P4HA3: variants seen among roughly 807,000 people sequenced by gnomAD.
P4HA3 encodes the protein prolyl 4-hydroxylase subunit alpha-3.
In P4HA3, 60 loss-of-function variants were observed where a neutral mutation model predicts 66.7. That is an observed-to-expected ratio of 0.90 (90% CI 0.73 to 1.12). P4HA3 has a LOEUF of 1.12. P4HA3 is among the 50% of genes most tolerant of loss of function. The probability of loss-of-function intolerance (pLI) is 0.00; values close to 1 mark genes in which losing one functional copy is unlikely to be tolerated. For synonymous variants in P4HA3, 263 were observed against 274.6 expected, an observed-to-expected ratio of 0.96 and a Z score of 0.42; for missense variants, 683 against 685.8, an observed-to-expected ratio of 1.00 and a Z score of 0.05.
rs80270004 is a variant in P4HA3, at chr11:74,255,139, C to T, written c.*1318+4784G>A. Among the ~76,000 whole-genome samples, 758 of 152,310 alleles carry T rather than the reference C, an allele frequency of 5.0e-3. 1 individual carries two copies. The highest frequency in any genetic ancestry group is 8.0e-3 in the Non-Finnish European group (546 of 68,022). ...TTCTAAAGCTGAATCCACCTTCCCC[C>T]GGAAACTTGCTCCCCATGAAACTTG... On this transcript the variant is annotated intron_variant and NMD_transcript_variant, in intron 15 of 15. Coordinates refer to the P4HA3 transcript ENST00000524388.
chr11:74,289,653 T>A (rs1211089204), intron 4 of P4HA3, among the ~76,000 whole-genome samples: 4 of 143,422 alleles, frequency 2.8e-5, no homozygotes, highest in African/African-American at 7.8e-5. Flanking sequence ...TGTCCATGTG[T>A]TCTCATTGTT....
chr11:74,311,506 TG>T lies in P4HA3; in HGVS notation c.105del (p.Ser36AlafsTer16). ...AARGDTFSAL[T>X]SVARALAPER... is the part of the protein sequence containing the mutation. ...TCGGGCGCCAGGGCGCGCGCCACGC[TG>T]GTCAGCGCCGAGAACGTGTCGCCCC... is the stretch of plus-strand genomic sequence containing the variant. On this transcript the variant is annotated frameshift_variant, in exon 1 of 13. Transcript: ENST00000331597. LOFTEE classifies it high-confidence loss of function. 1 of 1,537,258 alleles carries T rather than the reference TG, an allele frequency of 6.5e-7. No homozygotes were observed. The highest frequency in any genetic ancestry group is 8.7e-7 in the Non-Finnish European group (1 of 1,149,944).
At chr11:74,269,149 T>C (rs779676843) in intron 11 of P4HA3, among the ~76,000 whole-genome samples, 12 of 151,920 alleles carry the variant, frequency 7.9e-5, no homozygotes, top group Non-Finnish European at 1.8e-4. Context: ...TTGGAGGAAA[T>C]ACTCATTCAT....
At chr11:74,253,484 T>C in intron 15 of P4HA3, 3 of 1,606,040 alleles carry the variant, frequency 1.9e-6, no homozygotes, top group Middle Eastern at 1.7e-4. Flanking sequence ...CTTTCTGTTC[T>C]TCCACAGTGT....
At chr11:74,297,513 C>T (rs1354084613) in intron 4 of P4HA3, among the ~76,000 whole-genome samples, 1 of 152,132 alleles carries the variant, frequency 6.6e-6, no homozygotes, top group African/African-American at 2.4e-5. Flanking sequence ...CTGTACAACT[C>T]GGGTGGGAAA....
Position 74,251,570 on chromosome 11 carries a change from T to G in P4HA3, c.*1319-3569A>C, listed in dbSNP as rs1338046280. The G allele has an allele frequency of 7.6e-6, 12 of 1,575,482 alleles. No individual in the cohort carries two copies. The South Asian group carries it at 1.3e-4, about 17-fold the overall frequency. On this transcript the variant is annotated intron_variant and NMD_transcript_variant, in intron 15 of 15. Transcript: ENST00000524388. Reference sequence around the variant, plus strand: ...ATGAGGGCACCGTAGAGCCTAACCATCTAACAGTAGCTCACAGCCCAAGGC... The same window carrying G: ...ATGAGGGCACCGTAGAGCCTAACCAGCTAACAGTAGCTCACAGCCCAAGGC...
At chr11:74,296,934 C>CTTTT (rs540922878) in intron 4 of P4HA3, among the ~76,000 whole-genome samples, 2 of 123,902 alleles carry the variant, frequency 1.6e-5, no homozygotes, top group Admixed American at 8.7e-5. Context: ...TTCTTTTTTT[C>CTTTT]TTTTTTTTTT....
chr11:74,287,169 G>C (rs150509629), intron 5 of P4HA3: 2 of 1,263,712 alleles, frequency 1.6e-6, no homozygotes, highest in African/African-American at 1.5e-5. Flanking sequence ...AGAGCTACCC[G>C]TGGCCTGCTG....
chr11:74,267,021 G>T lies in P4HA3; in HGVS notation c.*227C>A. ...TCAGGCCTCCACTCCCCCCTCCTTT[G>T]TACTGTGCATCCTACTCTGACTTCC... On this transcript the variant is annotated 3_prime_UTR_variant, in exon 13 of 13. Coordinates refer to ENST00000331597, the MANE Select transcript of P4HA3 (RefSeq NM_182904.5). 1.3e-6 allele frequency: 2 copies of T among 1,527,694 alleles called. No individual in the cohort carries two copies. The highest frequency in any genetic ancestry group is 2.0e-5 in the Admixed American group (1 of 50,678). The allele number at this position is 1,527,694 out of a possible 1,614,324, so 94.6% of individuals were successfully genotyped here.
intron 5 of P4HA3, chr11:74,287,160 G>A: frequency 8.0e-7 from 1 of 1,254,968 alleles, no homozygotes; most frequent in Non-Finnish European, 1.0e-6. Context: ...TGCATTGGCA[G>A]AGCTACCCGT....
chr11:74,269,196 T>C (rs1393095782), intron 11 of P4HA3, among the ~76,000 whole-genome samples: 1 of 152,200 alleles, frequency 6.6e-6, no homozygotes, highest in African/African-American at 2.4e-5. Context: ...CCTCAGCGCC[T>C]ATCCTTTCCA....
rs1235097402 is a variant in P4HA3, at chr11:74,266,865, G to A, written c.*383C>T. ...GGGAGTCAGGCTAGCCCCTCCTGCAGGTGTCCTCATTGCCACTTCTTGGTC... is the reference window on the plus strand; with the variant it reads ...GGGAGTCAGGCTAGCCCCTCCTGCAAGTGTCCTCATTGCCACTTCTTGGTC... On this transcript the variant is annotated 3_prime_UTR_variant, in exon 13 of 13. Coordinates refer to ENST00000331597, the MANE Select transcript of P4HA3 (RefSeq NM_182904.5). The A allele has an allele frequency of 2.8e-6, 2 of 717,400 alleles. No homozygotes were observed. Among genetic ancestry groups the A allele is most frequent in the East Asian group, 5.5e-5 (2 of 36,240 alleles). 44.4% of individuals were successfully genotyped at this position (717,400 alleles called of 1,614,324 possible).
chr11:74,261,705 A>C (rs895625699), downstream of P4HA3, among the ~76,000 whole-genome samples: 1 of 151,266 alleles, frequency 6.6e-6, no homozygotes, highest in Non-Finnish European at 1.5e-5. Context: ...TCAGAGACTC[A>C]ATCAGTCATC....
At chr11:74,270,404 T>C (rs1302440368) in intron 10 of P4HA3, among the ~76,000 whole-genome samples, 3 of 152,218 alleles carry the variant, frequency 2.0e-5, no homozygotes, top group African/African-American at 4.8e-5. Flanking sequence ...ACTATGGATA[T>C]GTTTTCTTAA....
chr11:74,296,915 G>GT lies in P4HA3; in HGVS notation c.717+1296dup, dbSNP rs975093351. Among the ~76,000 whole-genome samples, 782 of 141,636 alleles carry GT rather than the reference G, an allele frequency of 5.5e-3. 17 individuals carry two copies. Among genetic ancestry groups the GT allele is most frequent in the Admixed American group, 0.039 (555 of 14,052 alleles). 92.9% of individuals were successfully genotyped at this position (141,636 alleles called of 152,430 possible). A position where few individuals can be genotyped will look rare whatever the true frequency, so the allele number is the denominator to read the frequency against. On this transcript the variant is annotated intron_variant, in intron 4 of 12. Coordinates refer to ENST00000331597, the MANE Select transcript of P4HA3 (RefSeq NM_182904.5). ...GAGAGTTAGGAAGAGCACATACACA[G>GT]TTTTTTTTTTCTTTTTTTCTTTTTT...
At chr11:74,280,996 T>C (rs562109860) in intron 7 of P4HA3, among the ~76,000 whole-genome samples, 1 of 151,984 alleles carries the variant, frequency 6.6e-6, no homozygotes, top group African/African-American at 2.4e-5. Context: ...AGGGCTAATA[T>C]CCAGAATCTA....
chr11:74,261,481 A>C (rs1859905754), intron 14 of P4HA3, among the ~76,000 whole-genome samples: 1 of 152,090 alleles, frequency 6.6e-6, no homozygotes, highest in Non-Finnish European at 1.5e-5. Context: ...TAGACTTTAC[A>C]CTGTCTTTGG....
intron 15 of P4HA3, chr11:74,250,805 C>T: frequency 1.6e-6 from 1 of 638,080 alleles, no homozygotes; most frequent in East Asian, 2.8e-5. Flanking sequence ...GTATTACCAT[C>T]CTCAGCAAGA....
At chr11:74,290,161 T>C (rs1224596203) in intron 4 of P4HA3, among the ~76,000 whole-genome samples, 1 of 152,074 alleles carries the variant, frequency 6.6e-6, no homozygotes, top group African/African-American at 2.4e-5. Flanking sequence ...TGGTATCTCA[T>C]TGTGGTTTTG....
Sources: gnomAD v4.1 joint callset for allele counts (sites outside exome capture counted in the v4.1 genomes callset) on GRCh38, gnomAD v4.1.1 for gene constraint, MANE v1.5 for transcripts, NCBI Gene and HGNC (gene_info 2026-07-23, HGNC 2026-07-21) for gene names.